The following PCDHA3 variants were observed in gnomAD, a reference collection of about 807,000 sequenced individuals.
PCDHA3 encodes the protein protocadherin alpha-3.
PCDHA3 carries 41 observed loss-of-function variants against 62.2 expected under a neutral mutation model. The ratio of observed to expected loss-of-function variants is 0.66; its 90% CI spans 0.51 to 0.86. The LOEUF (loss-of-function observed/expected upper bound fraction) is 0.86. PCDHA3 is among the 40% of genes least tolerant of loss of function. The pLI, the probability that PCDHA3 is intolerant of heterozygous loss-of-function variation, is 0.00. For missense variants in PCDHA3, 1,304 were observed against 1,241.2 expected (o/e 1.05, Z -0.76); for synonymous variants, 640 against 555.4 (o/e 1.15, Z -2.14).
In PCDHA3 at chr5:140,802,572, G is replaced by A. The variant is rs1312440472; in HGVS notation, c.1375G>A (p.Glu459Lys). 6.2e-7 allele frequency: 1 copy of A among 1,613,778 alleles called. No individual in the cohort carries two copies. Among genetic ancestry groups the A allele is most frequent in the African/African-American group, 1.3e-5 (1 of 74,850 alleles). Residue 459 changes from glutamate to lysine, a missense_variant, in exon 1 of 4, where the codon GAG becomes AAG. Coordinates refer to ENST00000522353, the MANE Select transcript of PCDHA3 (RefSeq NM_018906.3). ...CAATGCGCCGGCATTCTCGCAGTCC[G>A]AGTACACGGTGTTCGTGAAGGAGAA... ...NDNAPAFSQS[E>K]YTVFVKENNP... is the part of the protein sequence containing the mutation.
At chr5:140,819,720 A>G (rs1477591315) in intron 1 of PCDHA3, among the ~76,000 whole-genome samples, 2 of 152,136 alleles carry the variant, frequency 1.3e-5, no homozygotes, top group Non-Finnish European at 2.9e-5. Context: ...ATATAATTTA[A>G]CAGATATGAA....
chr5:140,876,286 G>C (rs782471001), intron 1 of PCDHA3: 14 of 1,614,040 alleles, frequency 8.7e-6, no homozygotes, highest in Non-Finnish European at 1.0e-5. Context: ...TCCAGACGAA[G>C]GACTTAATGG....
At chr5:140,821,965 C>G in intron 1 of PCDHA3, 2 of 1,614,158 alleles carry the variant, frequency 1.2e-6, no homozygotes, top group East Asian at 4.5e-5. Context: ...GCGCCTGTTC[C>G]GGGTGGCGTC....
At chr5:140,841,520 G>T (rs1777298038) in intron 1 of PCDHA3, 2 of 1,613,470 alleles carry the variant, frequency 1.2e-6, no homozygotes, top group East Asian at 2.2e-5. Flanking sequence ...GTTCCGGGTG[G>T]CGTCCAAAAG....
At chr5:140,872,580 T>C (rs1554166256) in intron 1 of PCDHA3, among the ~76,000 whole-genome samples, 1 of 152,172 alleles carries the variant, frequency 6.6e-6, no homozygotes, top group Middle Eastern at 3.2e-3. Flanking sequence ...TGACCTATCA[T>C]CGTGAGACCC....
intron 1 of PCDHA3, chr5:140,841,561 G>T (rs2150318242): frequency 8.1e-6 from 13 of 1,613,932 alleles, no homozygotes; most frequent in Non-Finnish European, 1.1e-5. Context: ...TAAGTCTGCA[G>T]AATGGCATTT....
intron 1 of PCDHA3, among the ~76,000 whole-genome samples, chr5:140,908,402 T>C (rs2073951162): frequency 6.6e-6 from 1 of 152,166 alleles, no homozygotes; most frequent in Non-Finnish European, 1.5e-5. Flanking sequence ...TATATACCAC[T>C]TCCATTTGAT....
intron 1 of PCDHA3, among the ~76,000 whole-genome samples, chr5:140,952,230 A>C (rs1177331328): frequency 6.6e-6 from 1 of 151,960 alleles, no homozygotes; most frequent in African/African-American, 2.4e-5. Flanking sequence ...ACAGTGTGCA[A>C]GCTGCTTAGA....
chr5:140,836,445 G>C, intron 1 of PCDHA3: 1 of 1,613,836 alleles, frequency 6.2e-7, no homozygotes, highest in Non-Finnish European at 8.5e-7. Flanking sequence ...GGGCATTGCA[G>C]GCCCAGAGAC....
intron 2 of PCDHA3, 69 bp downstream of exon 2, chr5:140,979,076 C>G: frequency 6.3e-7 from 1 of 1,584,068 alleles, no homozygotes; most frequent in South Asian, 1.1e-5. Flanking sequence ...AACTGCATCT[C>G]CATAGGCCAG....
intron 1 of PCDHA3, chr5:140,884,065 C>G (rs377441374): frequency 1.1e-5 from 17 of 1,613,346 alleles, no homozygotes; most frequent in Admixed American, 6.7e-5. Flanking sequence ...CGGTGGACGC[C>G]GATTCGGGCT....
intron 1 of PCDHA3, among the ~76,000 whole-genome samples, chr5:140,874,231 G>T (rs1554167098): frequency 6.6e-6 from 1 of 152,124 alleles, no homozygotes; most frequent in African/African-American, 2.4e-5. Flanking sequence ...GGAATGAATG[G>T]CAACAAATTA....
In PCDHA3 at chr5:141,009,886, C is replaced by T. The variant is rs377373799; in HGVS notation, c.2802C>T (p.Thr934=). Residue 934 remains threonine (T), a synonymous_variant, in exon 4 of 4, where the codon ACC becomes ACT. Transcript: ENST00000522353. ...AGAAAAAGAAGAAGGGTAACAAGAC[C>T]CAGGAGAAAAAAGAGAAAGGGAACA... ...KKKKKKKGNK[T]QEKKEKGNST... is the part of the protein sequence containing the mutation. The T allele has an allele frequency of 9.0e-4, 1,444 of 1,612,840 alleles. 15 individuals are homozygous for T. The South Asian group carries it at 0.015, about 17-fold the overall frequency.
chr5:140,894,525 A>G (rs544789222), intron 1 of PCDHA3, among the ~76,000 whole-genome samples: 11 of 151,856 alleles, frequency 7.2e-5, no homozygotes, highest in African/African-American at 2.7e-4. Context: ...ATATGCTGTT[A>G]TGTGCCTTCT....
intron 3 of PCDHA3, among the ~76,000 whole-genome samples, chr5:141,004,751 T>C (rs1323540564): frequency 2.0e-5 from 3 of 152,182 alleles, no homozygotes; most frequent in African/African-American, 7.2e-5. Flanking sequence ...TCTCAGTCTC[T>C]TAGAGACAGG....
At chr5:140,845,380 G>A (rs1779849548) in intron 1 of PCDHA3, among the ~76,000 whole-genome samples, 1 of 149,264 alleles carries the variant, frequency 6.7e-6, no homozygotes, top group South Asian at 2.1e-4. Context: ...TAAATAGGAG[G>A]ATTCTTTCCA....
At chr5:140,976,971 C>A (rs2096740170) in intron 1 of PCDHA3, among the ~76,000 whole-genome samples, 1 of 152,138 alleles carries the variant, frequency 6.6e-6, no homozygotes, top group Non-Finnish European at 1.5e-5. Flanking sequence ...TTTCCTTTTC[C>A]CTGCCTGATC....
At chr5:140,829,931 C>T in intron 1 of PCDHA3, 2 of 1,614,016 alleles carry the variant, frequency 1.2e-6, no homozygotes, top group Non-Finnish European at 1.7e-6. Flanking sequence ...GCTGCAGCCC[C>T]CGGCAAGCAG....
At chr5:140,807,394 G>A (rs3822355) in intron 1 of PCDHA3, 374,073 of 969,126 alleles carry the variant, frequency 0.39, 145,278 homozygotes, top group South Asian at 0.46. Context: ...TGGCGTCCAA[G>A]GGCCGCGGAG....
Sources: gnomAD v4.1 joint callset for allele counts (sites outside exome capture counted in the v4.1 genomes callset) on GRCh38, gnomAD v4.1.1 for gene constraint, MANE v1.5 for transcripts, NCBI Gene and HGNC (gene_info 2026-07-23, HGNC 2026-07-21) for gene names.